The following ZNF407 variants were observed in gnomAD, a reference collection of about 807,000 sequenced individuals.
The protein encoded by ZNF407 is zinc finger protein 407.
ZNF407 carries 17 observed loss-of-function variants against 131.2 expected under a neutral mutation model. The ratio of observed to expected loss-of-function variants is 0.13; its 90% CI spans 0.09 to 0.19. The LOEUF (loss-of-function observed/expected upper bound fraction) is 0.19, where lower values mean the gene tolerates loss of function less well. Among genes scored for constraint, ZNF407 ranks in the 10% least tolerant of loss-of-function variants. ZNF407 has a pLI of 1.00. For missense variants in ZNF407, 2,681 were observed against 2,830.6 expected (o/e 0.95, Z 1.20); for synonymous variants, 1,156 against 1,062.0 (o/e 1.09, Z -1.72).
chr18:74,888,160 T>C (rs1971336374), intron 6 of ZNF407, among the ~76,000 whole-genome samples: 1 of 152,204 alleles, frequency 6.6e-6, no homozygotes, highest in African/African-American at 2.4e-5. Flanking sequence ...AGTAGAGTTA[T>C]TGAACATATG....
At position 75,036,962 on chromosome 18, in the gene ZNF407, G is replaced by A. The variant is rs968321187; in HGVS notation, c.5429-26188G>A. Among the ~76,000 whole-genome samples, 5 of 152,292 alleles carry A rather than the reference G, an allele frequency of 3.3e-5. No individual in the cohort carries two copies. In the East Asian group the frequency reaches 7.7e-4, roughly 23 times the overall value. The stretch of plus-strand genomic sequence containing the variant: ...AGAGGGAAATTGCTTCTAGAACTAC[G>A]CGGATTGTCTTTGGCAGCGTCGAGC... On this transcript the variant is annotated intron_variant, in intron 8 of 8. Transcript: ENST00000299687.
intron 8 of ZNF407, among the ~76,000 whole-genome samples, chr18:74,968,804 G>T (rs1972438437): frequency 6.6e-6 from 1 of 152,112 alleles, no homozygotes; most frequent in Non-Finnish European, 1.5e-5. Flanking sequence ...TTCTTGATTG[G>T]CAGGTATTTG....
chr18:74,643,978 G>GA (rs1296551986), intron 3 of ZNF407, among the ~76,000 whole-genome samples: 1 of 151,914 alleles, frequency 6.6e-6, no homozygotes, highest in Non-Finnish European at 1.5e-5. Context: ...AGAAGAAGCT[G>GA]AATGTATTAG....
chr18:74,745,613 C>T (rs1038824096), intron 3 of ZNF407, among the ~76,000 whole-genome samples: 17 of 152,112 alleles, frequency 1.1e-4, no homozygotes, highest in Non-Finnish European at 2.1e-4. Context: ...ATTGAACTTA[C>T]GTATTTGTTT....
At chr18:74,888,904 A>G (rs138808661) in intron 6 of ZNF407, among the ~76,000 whole-genome samples, 31 of 152,306 alleles carry the variant, frequency 2.0e-4, no homozygotes, top group African/African-American at 7.0e-4. Flanking sequence ...GAATGGTTAC[A>G]CTTGATAAGC....
chr18:74,828,187 A>G (rs1970434630), intron 4 of ZNF407, among the ~76,000 whole-genome samples: 1 of 152,092 alleles, frequency 6.6e-6, no homozygotes, highest in Non-Finnish European at 1.5e-5. Context: ...TTCTTAATAC[A>G]TTAATCTGTT....
At chr18:74,721,904 T>C (rs756962520) in intron 3 of ZNF407, among the ~76,000 whole-genome samples, 2 of 152,218 alleles carry the variant, frequency 1.3e-5, no homozygotes, top group Admixed American at 6.5e-5. Context: ...GAGTTCTTGA[T>C]TGATACTTTG....
At chr18:74,831,204 T>G (rs1348848622) in intron 4 of ZNF407, among the ~76,000 whole-genome samples, 1 of 152,206 alleles carries the variant, frequency 6.6e-6, no homozygotes, top group African/African-American at 2.4e-5. Context: ...ACTGCATATC[T>G]TGGCTGTTGT....
At chr18:74,738,729 ACT>A (rs1229371929) in intron 3 of ZNF407, among the ~76,000 whole-genome samples, 1 of 151,942 alleles carries the variant, frequency 6.6e-6, no homozygotes, top group African/African-American at 2.4e-5. Flanking sequence ...ACAGTGTGAG[ACT>A]CTGTCTCAAA....
At chr18:74,798,050 T>A (rs1208858271) in intron 4 of ZNF407, among the ~76,000 whole-genome samples, 1 of 152,112 alleles carries the variant, frequency 6.6e-6, no homozygotes, top group Non-Finnish European at 1.5e-5. Flanking sequence ...GCATTTAAAT[T>A]TTTTTAACCT....
At chr18:74,863,463 C>G (rs1263220521) in intron 4 of ZNF407, among the ~76,000 whole-genome samples, 1 of 151,970 alleles carries the variant, frequency 6.6e-6, no homozygotes, top group Non-Finnish European at 1.5e-5. Context: ...CTTTTACCAC[C>G]TCCAGTTCTT....
At chr18:75,024,894 T>G (rs1167544416) in intron 8 of ZNF407, among the ~76,000 whole-genome samples, 1 of 152,224 alleles carries the variant, frequency 6.6e-6, no homozygotes, top group Admixed American at 6.5e-5. Context: ...TTATTTTATC[T>G]GAGTTTGCAC....
intron 8 of ZNF407, among the ~76,000 whole-genome samples, chr18:74,981,793 A>G (rs955828877): frequency 6.6e-6 from 1 of 152,204 alleles, no homozygotes; most frequent in Non-Finnish European, 1.5e-5. Flanking sequence ...TCCAGTTACA[A>G]TTTTACTTTG....
At chr18:74,617,161 A>ACCACACACATCCATAT (rs1983348231) in intron 1 of ZNF407, among the ~76,000 whole-genome samples, 6 of 141,506 alleles carry the variant, frequency 4.2e-5, no homozygotes, top group South Asian at 2.2e-4. Context: ...ATATCCACGC[A>ACCACACACATCCATAT]CCACACACAT....
intron 3 of ZNF407, among the ~76,000 whole-genome samples, chr18:74,664,849 C>T (rs373360646): frequency 2.6e-5 from 4 of 152,154 alleles, no homozygotes; most frequent in African/African-American, 4.8e-5. Context: ...TAGACAAGAT[C>T]ATGCCCTGTT....
intron 4 of ZNF407, among the ~76,000 whole-genome samples, chr18:74,864,830 G>A (rs771359295): frequency 1.3e-5 from 2 of 152,156 alleles, no homozygotes; most frequent in African/African-American, 2.4e-5. Context: ...AAGTGAAATC[G>A]TAAGCAAAGA....
intron 3 of ZNF407, among the ~76,000 whole-genome samples, chr18:74,759,133 AT>A (rs1329810287): frequency 6.6e-6 from 1 of 151,336 alleles, no homozygotes; most frequent in Admixed American, 6.6e-5. Context: ...GATGACAGTA[AT>A]TTTTTTTCAA....
intron 4 of ZNF407, among the ~76,000 whole-genome samples, chr18:74,791,286 A>T (rs1969820933): frequency 1.3e-5 from 2 of 152,230 alleles, no homozygotes; most frequent in South Asian, 4.1e-4. Flanking sequence ...ACAGTCAAAT[A>T]TTGTTAATTT....
chr18:74,640,085 C>T (rs1043872559), intron 2 of ZNF407, among the ~76,000 whole-genome samples: 1 of 151,922 alleles, frequency 6.6e-6, no homozygotes, highest in African/African-American at 2.4e-5. Flanking sequence ...CTGGTTTTTA[C>T]AATTTTGATT....
Sources: gnomAD v4.1 joint callset for allele counts (sites outside exome capture counted in the v4.1 genomes callset) on GRCh38, gnomAD v4.1.1 for gene constraint, MANE v1.5 for transcripts, NCBI Gene and HGNC (gene_info 2026-07-23, HGNC 2026-07-21) for gene names.